ZNF282: variants seen among roughly 807,000 people sequenced by gnomAD.
ZNF282 encodes the protein zinc finger protein 282.
Under a neutral mutation model 61.9 loss-of-function variants are expected in ZNF282, and 30 were observed. The ratio of observed to expected loss-of-function variants is 0.48; its 90% CI spans 0.36 to 0.66. The LOEUF (loss-of-function observed/expected upper bound fraction) is 0.66. ZNF282 is among the 30% of genes least tolerant of loss of function. The pLI, the probability that ZNF282 is intolerant of heterozygous loss-of-function variation, is 0.00. For synonymous variants in ZNF282, 396 were observed against 405.0 expected, an observed-to-expected ratio of 0.98 and a Z score of 0.27; for missense variants, 788 against 941.4, an observed-to-expected ratio of 0.84 and a Z score of 2.13.
chr7:149,210,927 G>A (rs1004567342), intron 5 of ZNF282, among the ~76,000 whole-genome samples: 12 of 152,212 alleles, frequency 7.9e-5, no homozygotes, highest in Admixed American at 6.5e-4. Context: ...TGGGCTCAGC[G>A]TGTTCTGTTT....
intron 7 of ZNF282, among the ~76,000 whole-genome samples, chr7:149,218,104 G>GAA (rs553203834): frequency 5.2e-5 from 5 of 96,542 alleles, no homozygotes; most frequent in Admixed American, 1.1e-4. Context: ...CCCTGTCTCA[G>GAA]AAAAAAAAAA....
chr7:149,224,272 G>C lies in ZNF282; in HGVS notation c.1641G>C (p.Glu547Asp), dbSNP rs1441992329. 4 of 1,612,898 alleles carry C rather than the reference G, an allele frequency of 2.5e-6. No individual in the cohort carries two copies. The highest frequency in any genetic ancestry group is 2.5e-6 in the Non-Finnish European group (3 of 1,179,862). Residue 547 changes from glutamate to aspartate, a missense_variant, in exon 8 of 8, where the codon GAG becomes GAC. Around this residue, in one of 3 missense-constraint regions of ZNF282, gnomAD observed 559 missense variants for 642.0 expected, o/e 0.87. Coordinates refer to ENST00000610704, the MANE Select transcript of ZNF282 (RefSeq NM_003575.4). ...GCCACACCAAGGAGCGGCCCTACGA[G>C]TGCGCTGAGTGCGAGAAGAGCTTCA... ...HRSHTKERPY[E>D]CAECEKSFNC... is the part of the protein sequence containing the mutation.
Position 149,224,200 on chromosome 7 carries a change from C to T in ZNF282, c.1569C>T (p.Cys523=), listed in dbSNP as rs1195698878. Residue 523 remains cysteine (C), a synonymous_variant, in exon 8 of 8, where the codon TGC becomes TGT. Transcript: ENST00000610704. ...ARSKPYSCPE[C]GKSFGVRKSL... ...GCAAGCCCTACTCGTGCCCCGAGTG[C>T]GGCAAGAGCTTCGGCGTGCGCAAGA... The T allele has an allele frequency of 5.0e-6, 8 of 1,606,588 alleles. No individual in the cohort carries two copies. The highest frequency in any genetic ancestry group is 2.2e-5 in the East Asian group (1 of 44,872).
At position 149,224,668 on chromosome 7, in the gene ZNF282, G is replaced by A; in HGVS notation, c.*21G>A. On this transcript the variant is annotated 3_prime_UTR_variant, in exon 8 of 8. Coordinates refer to ENST00000610704, the MANE Select transcript of ZNF282 (RefSeq NM_003575.4). Reference sequence around the variant, plus strand: ...ACTAGGGCTGGGCTGGGGGAGGGCAGGGCCGGACGGAGTGGATCGGGGGCG... The same window carrying A: ...ACTAGGGCTGGGCTGGGGGAGGGCAAGGCCGGACGGAGTGGATCGGGGGCG... 1 of 1,479,644 alleles carries A rather than the reference G, an allele frequency of 6.8e-7. No individual in the cohort carries two copies. Among genetic ancestry groups the A allele is most frequent in the Non-Finnish European group, 8.9e-7 (1 of 1,119,028 alleles). The allele number at this position is 1,479,644 out of a possible 1,614,324, so 91.7% of individuals were successfully genotyped here. A position where few individuals can be genotyped will look rare whatever the true frequency, so the allele number is the denominator to read the frequency against.
chr7:149,221,407 G>T (rs551556991), intron 7 of ZNF282, among the ~76,000 whole-genome samples: 15 of 152,368 alleles, frequency 9.8e-5, no homozygotes, highest in Admixed American at 5.9e-4. Flanking sequence ...TGGTGAGAAC[G>T]TGGATTGAGG....
chr7:149,224,014 C>T lies in ZNF282; in HGVS notation c.1383C>T (p.Ser461=). The part of the protein sequence containing the change: ...GFQVLPGERG[S]GEAPPGGDRS... Reference sequence around the variant, plus strand: ...AGGTGCTGCCCGGGGAGCGTGGCTCCGGCGAGGCGCCGCCGGGTGGGGACC... The same window carrying T: ...AGGTGCTGCCCGGGGAGCGTGGCTCTGGCGAGGCGCCGCCGGGTGGGGACC... The change falls in exon 8 of 8, where the codon TCC becomes TCT. Residue 461 remains serine, a synonymous_variant. Coordinates refer to ENST00000610704, the MANE Select transcript of ZNF282 (RefSeq NM_003575.4). 5.7e-6 allele frequency: 7 copies of T among 1,221,548 alleles called. No individual in the cohort carries two copies. The highest frequency in any genetic ancestry group is 4.4e-5 in the Admixed American group (1 of 22,772). The allele number at this position is 1,221,548 out of a possible 1,614,324, so 75.7% of individuals were successfully genotyped here. A position where few individuals can be genotyped will look rare whatever the true frequency, so the allele number is the denominator to read the frequency against.
intron 3 of ZNF282, 134 bp from the exon 4 acceptor site, chr7:149,207,217 C>A: frequency 1.7e-6 from 2 of 1,143,404 alleles, no homozygotes; most frequent in Middle Eastern, 2.1e-4. Context: ...ACCCGCCTAA[C>A]TCGCATAACT....
In ZNF282 at chr7:149,224,930, A is replaced by G. The variant is rs2129523830; in HGVS notation, c.*283A>G. The G allele has an allele frequency of 1.1e-5, 5 of 450,896 alleles. No homozygotes were observed. The South Asian group carries it at 1.4e-4, about 13-fold the overall frequency. 27.9% of individuals were successfully genotyped at this position (450,896 alleles called of 1,614,324 possible). A position where few individuals can be genotyped will look rare whatever the true frequency, so the allele number is the denominator to read the frequency against. On this transcript the variant is annotated 3_prime_UTR_variant, in exon 8 of 8. Transcript: ENST00000610704. ...CTCACACCTCCTCGAGTGCCCTGGG[A>G]CCACTGGGCCACAGATGGTCATCAG...
chr7:149,212,306 C>T, intron 5 of ZNF282, 52 bp from the exon 6 acceptor site: 1 of 1,272,270 alleles, frequency 7.9e-7, no homozygotes, highest in South Asian at 1.4e-5. Flanking sequence ...CACAAACTTG[C>T]AGGAGATTTC....
chr7:149,199,858 A>G (rs1227372857), intron 2 of ZNF282, among the ~76,000 whole-genome samples: 3 of 152,104 alleles, frequency 2.0e-5, no homozygotes, highest in Non-Finnish European at 2.9e-5. Context: ...CTTTGCAAAT[A>G]TGTCAGTATT....
At position 149,224,800 on chromosome 7, in the gene ZNF282, C is replaced by G; in HGVS notation, c.*153C>G. 1 of 1,318,116 alleles carries G rather than the reference C, an allele frequency of 7.6e-7. No individual in the cohort carries two copies. Among genetic ancestry groups the G allele is most frequent in the South Asian group, 1.5e-5 (1 of 64,862 alleles). 81.7% of individuals were successfully genotyped at this position (1,318,116 alleles called of 1,614,324 possible). A position where few individuals can be genotyped will look rare whatever the true frequency, so the allele number is the denominator to read the frequency against. ...CCCCCAGGGTGGGGCAGGGATCCCCCAGATCTGTCTGGTCTGAATGGACGC... is the reference window on the plus strand; with the variant it reads ...CCCCCAGGGTGGGGCAGGGATCCCCGAGATCTGTCTGGTCTGAATGGACGC... On this transcript the variant is annotated 3_prime_UTR_variant, in exon 8 of 8. Transcript: ENST00000610704.
Position 149,213,823 on chromosome 7 carries a change from C to T in ZNF282, c.1180+9C>T, listed in dbSNP as rs369380272. 1.6e-5 allele frequency: 25 copies of T among 1,600,402 alleles called. No individual in the cohort carries two copies. In the African/African-American group the frequency reaches 1.7e-4, roughly 11 times the overall value. On this transcript the variant is annotated intron_variant, in intron 7 of 7. Coordinates refer to ENST00000610704, the MANE Select transcript of ZNF282 (RefSeq NM_003575.4). ...ATTAGACTCTGGCCCTAGTGAGTAACGTCCCCACCTAGACCCTGGGGTTTC... is the reference window on the plus strand; with the variant it reads ...ATTAGACTCTGGCCCTAGTGAGTAATGTCCCCACCTAGACCCTGGGGTTTC...
chr7:149,210,643 C>T lies in ZNF282; in HGVS notation c.891C>T (p.Thr297=). 6.2e-7 allele frequency: 1 copy of T among 1,612,016 alleles called. No individual in the cohort carries two copies. Among genetic ancestry groups the T allele is most frequent in the South Asian group, 1.1e-5 (1 of 90,492 alleles). The part of the protein sequence containing the change: ...DASSQVKRED[T]LCVRGQRGLE... ...CCTCCCAGGTGAAGCGTGAGGACAC[C>T]CTGTGTGTCCGGGGTCAGCGGGGCC... Residue 297 remains threonine, a synonymous_variant, in exon 5 of 8, where the codon ACC becomes ACT. Coordinates refer to ENST00000610704, the MANE Select transcript of ZNF282 (RefSeq NM_003575.4).
At chr7:149,205,584 C>T (rs573776945) in intron 2 of ZNF282, among the ~76,000 whole-genome samples, 1,671 of 148,322 alleles carry the variant, frequency 0.011, 27 homozygotes, top group African/African-American at 0.039. Flanking sequence ...GTTGTCAGTC[C>T]GTAGGGGTGG....
Position 149,198,450 on chromosome 7 carries a change from G to C in ZNF282, c.283G>C (p.Glu95Gln). The C allele has an allele frequency of 6.2e-7, 1 of 1,614,232 alleles. No individual in the cohort carries two copies. The highest frequency in any genetic ancestry group is 1.1e-5 in the South Asian group (1 of 91,090). The part of the protein sequence containing the change: ...MMREPQLPTA[E>Q]ISLWTVVAAI... Reference sequence around the variant, plus strand: ...GCGAGAGCCCCAGTTGCCCACAGCAGAGATCTCACTCTGGACTGTGGTGGC... The same window carrying C: ...GCGAGAGCCCCAGTTGCCCACAGCACAGATCTCACTCTGGACTGTGGTGGC... The change falls in exon 2 of 8, where the codon GAG becomes CAG. Residue 95 changes from glutamate (E) to glutamine (Q), a missense_variant. By Grantham distance (29) the Glu-to-Gln change is conservative. This residue lies in a region of ZNF282 where 137 missense variants were observed against 135.4 expected (regional missense o/e 1.01). Coordinates refer to ENST00000610704, the MANE Select transcript of ZNF282 (RefSeq NM_003575.4). This position sits in a 1 kb window ranked among gnomAD's most constrained non-coding sequence, Gnocchi z 4.3.
rs1220349345 is a variant in ZNF282 at position 149,206,812 on chromosome 7, C to T, written c.702C>T (p.Leu234=). Residue 234 remains leucine (L), a synonymous_variant, in exon 3 of 8, where the codon CTC becomes CTT. Transcript: ENST00000610704. ...NNLVKENYKT[L]MSLDAEGSVP... is the part of the protein sequence containing the mutation. ...TTGTTAAGGAGAACTACAAAACCCT[C>T]ATGTCCCTGGGTAAGGACACCTTCT... The T allele has an allele frequency of 1.2e-6, 2 of 1,614,156 alleles. No individual in the cohort carries two copies. The highest frequency in any genetic ancestry group is 1.7e-5 in the Admixed American group (1 of 60,026).
At position 149,220,928 on chromosome 7, in the gene ZNF282, T is replaced by TTG. The variant is rs1554471509; in HGVS notation, c.1181-2883_1181-2882insGT. On this transcript the variant is annotated intron_variant, in intron 7 of 7. Coordinates refer to ENST00000610704, the MANE Select transcript of ZNF282 (RefSeq NM_003575.4). ...GAGGCCCCTGGAGGGTTTTTTTTTT[T>TTG]TTTTTTTTTGAGATAAGGTTTCACT... is the stretch of plus-strand genomic sequence containing the variant. Among the ~76,000 whole-genome samples, 1,002 of 135,260 alleles carry TTG rather than the reference T, an allele frequency of 7.4e-3. 13 individuals are homozygous for TTG. The highest frequency in any genetic ancestry group is 0.01 in the Non-Finnish European group (626 of 62,470). The allele number at this position is 135,260 out of a possible 152,430, so 88.7% of individuals were successfully genotyped here. A position where few individuals can be genotyped will look rare whatever the true frequency, so the allele number is the denominator to read the frequency against.
At chr7:149,215,225 CAG>C (rs1563179594) in intron 7 of ZNF282, among the ~76,000 whole-genome samples, 3 of 105,856 alleles carry the variant, frequency 2.8e-5, no homozygotes, top group East Asian at 3.5e-4. Context: ...TTTTTTGAGA[CAG>C]AGTCTCACTC....
At chr7:149,221,184 GC>G (rs1032377356) in intron 7 of ZNF282, among the ~76,000 whole-genome samples, 2 of 152,182 alleles carry the variant, frequency 1.3e-5, no homozygotes, top group African/African-American at 4.8e-5. Flanking sequence ...CTCCCAATGT[GC>G]CGGGATTACA....
Sources: gnomAD v4.1 joint callset for allele counts (sites outside exome capture counted in the v4.1 genomes callset) on GRCh38, gnomAD v4.1.1 for gene constraint, gnomAD v4.1.1 regional missense constraint, Gnocchi (gnomAD v3.1) non-coding constraint, MANE v1.5 for transcripts, NCBI Gene and HGNC (gene_info 2026-07-23, HGNC 2026-07-21) for gene names.